The following NAALADL2 variants were observed in gnomAD, a reference collection of about 807,000 sequenced individuals.
The protein encoded by NAALADL2 is inactive N-acetylated-alpha-linked acidic dipeptidase-like protein 2.
A neutral mutation model predicts 87.2 loss-of-function variants in NAALADL2; 76 were observed. The ratio of observed to expected loss-of-function variants is 0.87; its 90% CI spans 0.72 to 1.05. The LOEUF (loss-of-function observed/expected upper bound fraction) is 1.05. Ranked by LOEUF, NAALADL2 falls within the 50% of genes least tolerant of loss-of-function variation. NAALADL2 has a pLI of 0.00. For synonymous variants in NAALADL2, 354 were observed against 331.0 expected, an observed-to-expected ratio of 1.07 and a Z score of -0.75; for missense variants, 1,089 against 945.8, an observed-to-expected ratio of 1.15 and a Z score of -1.99.
intron 2 of NAALADL2, among the ~76,000 whole-genome samples, chr3:174,735,286 A>G (rs1733089275): frequency 6.6e-6 from 1 of 152,200 alleles, no homozygotes; most frequent in Non-Finnish European, 1.5e-5. Context: ...TTGAGCACCT[A>G]ATACATGCTG....
chr3:175,026,482 T>TAAAAAAA (rs59236659), intron 1 of NAALADL2, among the ~76,000 whole-genome samples: 3 of 85,486 alleles, frequency 3.5e-5, no homozygotes, highest in African/African-American at 9.1e-5. Context: ...CCGTCTCTAC[T>TAAAAAAA]AAAAAAAAAA....
At chr3:174,769,285 T>G (rs1356654952) in intron 3 of NAALADL2, among the ~76,000 whole-genome samples, 1 of 152,024 alleles carries the variant, frequency 6.6e-6, no homozygotes, top group East Asian at 1.9e-4. Context: ...AACCTTGTTG[T>G]TCAGGTATAG....
intron 5 of NAALADL2, among the ~76,000 whole-genome samples, chr3:175,422,262 A>G (rs2149125512): frequency 6.6e-6 from 1 of 152,236 alleles, no homozygotes; most frequent in Admixed American, 6.6e-5. Flanking sequence ...AAAAAATTCA[A>G]CATATTTTGT....
intron 9 of NAALADL2, among the ~76,000 whole-genome samples, chr3:175,492,056 C>A (rs543177636): frequency 1.6e-4 from 24 of 152,102 alleles, no homozygotes; most frequent in Admixed American, 5.9e-4. Context: ...TACAAAAGTA[C>A]AAATATCAGA....
intron 4 of NAALADL2, among the ~76,000 whole-genome samples, chr3:175,307,402 A>C (rs796571987): frequency 1.4e-4 from 22 of 152,270 alleles, no homozygotes; most frequent in African/African-American, 4.8e-4. Context: ...TGTATGGGGC[A>C]GTCCTAGTAA....
intron 2 of NAALADL2, among the ~76,000 whole-genome samples, chr3:175,119,692 T>TATATAGATATAG (rs1553779279): frequency 0.067 from 9,682 of 145,268 alleles, 674 homozygotes; most frequent in African/African-American, 0.18. Context: ...AAGGTGTGTA[T>TATATAGATATAG]ATATAGATAT....
chr3:174,607,193 T>A (rs181306993), intron 2 of NAALADL2, among the ~76,000 whole-genome samples: 21 of 152,028 alleles, frequency 1.4e-4, no homozygotes, highest in African/African-American at 4.6e-4. Flanking sequence ...GAACAACTGG[T>A]ACCAGCCGCT....
At chr3:175,579,187 T>C (rs1719367474) in intron 10 of NAALADL2, among the ~76,000 whole-genome samples, 1 of 136,700 alleles carries the variant, frequency 7.3e-6, no homozygotes, top group South Asian at 2.8e-4. Flanking sequence ...AATGCAAATC[T>C]TAGAATTACT....
intron 2 of NAALADL2, among the ~76,000 whole-genome samples, chr3:175,138,066 G>A (rs1272455285): frequency 2.6e-5 from 4 of 152,210 alleles, no homozygotes; most frequent in African/African-American, 9.6e-5. Context: ...GGGCGGGGGT[G>A]AGGGATCAGA....
At chr3:175,064,251 A>G (rs964342450) in intron 1 of NAALADL2, among the ~76,000 whole-genome samples, 7 of 151,728 alleles carry the variant, frequency 4.6e-5, no homozygotes, top group Non-Finnish European at 1.0e-4. Context: ...AAAGAAGAAA[A>G]AAAAAAAAAG....
chr3:174,862,537 C>T (rs1457097419), intron 1 of NAALADL2, among the ~76,000 whole-genome samples: 5 of 152,040 alleles, frequency 3.3e-5, no homozygotes, highest in African/African-American at 1.2e-4. Context: ...TATCAGCATC[C>T]AGCTATGTGC....
intron 11 of NAALADL2, among the ~76,000 whole-genome samples, chr3:175,717,563 A>T (rs1411870986): frequency 6.6e-6 from 1 of 151,678 alleles, no homozygotes; most frequent in Non-Finnish European, 1.5e-5. Flanking sequence ...GTAGTGGCGC[A>T]GGCCTGTGGT....
At chr3:175,705,699 A>G (rs890453449) in intron 11 of NAALADL2, among the ~76,000 whole-genome samples, 3 of 152,136 alleles carry the variant, frequency 2.0e-5, no homozygotes, top group Admixed American at 6.6e-5. Context: ...ACTTTTAAAG[A>G]TGAGGACTCT....
At chr3:175,693,895 G>A (rs987290944) in intron 11 of NAALADL2, among the ~76,000 whole-genome samples, 10 of 151,954 alleles carry the variant, frequency 6.6e-5, no homozygotes, top group African/African-American at 1.4e-4. Context: ...TCGTTTCACC[G>A]TGTTGGCCAG....
intron 2 of NAALADL2, chr3:175,112,455 A>C (rs1724354611): frequency 6.6e-6 from 1 of 151,554 alleles, no homozygotes; most frequent in East Asian, 1.9e-4. Context: ...AAGTCCAAAT[A>C]CTTTAGGTCC....
chr3:174,924,236 G>A (rs1425849743), intron 1 of NAALADL2, among the ~76,000 whole-genome samples: 6 of 102,988 alleles, frequency 5.8e-5, no homozygotes, highest in Admixed American at 1.5e-4. Flanking sequence ...AACAGGCCCC[G>A]GTGCGTGATG....
At chr3:175,743,000 T>A (rs1479306814) in intron 12 of NAALADL2, among the ~76,000 whole-genome samples, 1 of 113,824 alleles carries the variant, frequency 8.8e-6, no homozygotes, top group Non-Finnish European at 1.9e-5. Flanking sequence ...ATTCCAAATC[T>A]TTTTTTTTTT....
At chr3:174,791,416 A>G (rs1176110360) in intron 3 of NAALADL2, among the ~76,000 whole-genome samples, 1 of 152,240 alleles carries the variant, frequency 6.6e-6, no homozygotes, top group African/African-American at 2.4e-5. Flanking sequence ...CCACCACGTG[A>G]GGACACAGCA....
chr3:175,466,498 A>C (rs375996518), intron 7 of NAALADL2, among the ~76,000 whole-genome samples: 28 of 152,280 alleles, frequency 1.8e-4, no homozygotes, highest in African/African-American at 6.5e-4. Flanking sequence ...AGAGGGCCTA[A>C]AATTTTAAGT....
Sources: gnomAD v4.1 joint callset for allele counts (sites outside exome capture counted in the v4.1 genomes callset) on GRCh38, gnomAD v4.1.1 for gene constraint, MANE v1.5 for transcripts, NCBI Gene and HGNC (gene_info 2026-07-23, HGNC 2026-07-21) for gene names.